MBTPS1: variants seen among roughly 807,000 people sequenced by gnomAD.
MBTPS1 encodes membrane bound transcription factor peptidase, site 1, also known as membrane-bound transcription factor site-1 protease.
Under a neutral mutation model 127.8 loss-of-function variants are expected in MBTPS1, and 94 were observed. The observed-to-expected ratio is 0.74, with a 90% confidence interval of 0.62 to 0.87. MBTPS1 has a LOEUF of 0.87. MBTPS1 is among the 40% of genes least tolerant of loss of function. The probability of loss-of-function intolerance (pLI) is 0.00; values close to 1 mark genes in which losing one functional copy is unlikely to be tolerated. For synonymous variants in MBTPS1, 632 were observed against 509.4 expected (o/e 1.24, Z -3.24); for missense variants, 1,636 against 1,353.2 (o/e 1.21, Z -3.28).
At chr16:84,114,946 T>C (rs778017170) in intron 1 of MBTPS1, among the ~76,000 whole-genome samples, 1 of 152,060 alleles carries the variant, frequency 6.6e-6, no homozygotes, top group Admixed American at 6.5e-5. Flanking sequence ...TTTTGTTTTT[T>C]GAGACATAGT....
At chr16:84,073,482 G>A (rs1343073538) in intron 12 of MBTPS1, among the ~76,000 whole-genome samples, 1 of 151,936 alleles carries the variant, frequency 6.6e-6, no homozygotes, top group Admixed American at 6.6e-5. Flanking sequence ...AAAAAGTTGT[G>A]AATTTTTGCC....
chr16:84,068,422 T>C lies in MBTPS1; in HGVS notation c.1988A>G (p.Asp663Gly), dbSNP rs1271346261. The change falls in exon 15 of 23, where the codon GAT (aspartate) becomes GGT (glycine). Residue 663 changes from aspartate to glycine, a missense_variant. Physicochemically the swap from Asp to Gly is moderately conservative, Grantham distance 94. Transcript: ENST00000343411. Reference sequence around the variant, plus strand: ...CATGCTTCTCAGATGCTGGTACATATCCCTGAAATTGGTGTGGATGTGATC... The same window carrying C: ...CATGCTTCTCAGATGCTGGTACATACCCCTGAAATTGGTGTGGATGTGATC... ...NGDHIHTNFR[D>G]MYQHLRSMGY... The C allele has an allele frequency of 1.9e-6, 3 of 1,614,052 alleles. No homozygotes were observed. The highest frequency in any genetic ancestry group is 1.7e-5 in the Admixed American group (1 of 60,028).
At chr16:84,083,784 A>G (rs531205943) in intron 10 of MBTPS1, among the ~76,000 whole-genome samples, 1 of 152,342 alleles carries the variant, frequency 6.6e-6, no homozygotes, top group South Asian at 2.1e-4. Flanking sequence ...ACAACACTCA[A>G]CTAAAACTTC....
intron 16 of MBTPS1, among the ~76,000 whole-genome samples, 182 bp from the exon 17 acceptor site, chr16:84,066,795 T>G (rs2085690730): frequency 6.6e-6 from 1 of 152,240 alleles, no homozygotes; most frequent in African/African-American, 2.4e-5. Context: ...CTTCGGCTGA[T>G]GTGTAGAATT....
intron 9 of MBTPS1, among the ~76,000 whole-genome samples, chr16:84,087,048 G>C (rs1315162111): frequency 6.6e-6 from 1 of 152,114 alleles, no homozygotes; most frequent in African/African-American, 2.4e-5. Flanking sequence ...TAAACGGGCA[G>C]GAACCCAATT....
chr16:84,111,825 G>A (rs1301371624), intron 1 of MBTPS1, among the ~76,000 whole-genome samples: 1 of 151,358 alleles, frequency 6.6e-6, no homozygotes, highest in Non-Finnish European at 1.5e-5. Context: ...AAATGCTAAT[G>A]AAATGTTAAG....
At chr16:84,111,550 A>T (rs1156300980) in intron 1 of MBTPS1, among the ~76,000 whole-genome samples, 2 of 152,116 alleles carry the variant, frequency 1.3e-5, no homozygotes, top group Non-Finnish European at 2.9e-5. Context: ...CAAAAAAAAA[A>T]AAGAAAAAAG....
intron 1 of MBTPS1, among the ~76,000 whole-genome samples, chr16:84,107,336 C>G (rs1471296640): frequency 6.6e-6 from 1 of 152,146 alleles, no homozygotes; most frequent in Non-Finnish European, 1.5e-5. Context: ...ACCAAGCCAC[C>G]AGTGGCTGGA....
intron 20 of MBTPS1, 134 bp from the exon 21 acceptor site, chr16:84,059,562 T>G: frequency 1.3e-6 from 1 of 772,190 alleles, no homozygotes; most frequent in Non-Finnish European, 2.0e-6. Context: ...TCTATTAAGC[T>G]ATCCTCCATG....
intron 13 of MBTPS1, 91 bp from the exon 14 acceptor site, chr16:84,070,129 C>T: frequency 1.2e-5 from 13 of 1,111,412 alleles, no homozygotes; most frequent in Non-Finnish European, 1.7e-5. Context: ...ATCAACTTAA[C>T]CTAAATAATT....
chr16:84,113,760 T>C (rs981605811), intron 1 of MBTPS1, among the ~76,000 whole-genome samples: 1 of 152,230 alleles, frequency 6.6e-6, no homozygotes, highest in African/African-American at 2.4e-5. Flanking sequence ...TGTAATAAAC[T>C]AGTTTACTAA....
chr16:84,102,452 T>C (rs575425454), intron 1 of MBTPS1, among the ~76,000 whole-genome samples: 2 of 152,020 alleles, frequency 1.3e-5, no homozygotes, highest in Non-Finnish European at 2.9e-5. Flanking sequence ...CACGGGAAAA[T>C]TTTTTTTAGG....
intron 21 of MBTPS1, chr16:84,058,057 C>G (rs939948200): frequency 6.6e-6 from 1 of 151,924 alleles, no homozygotes; most frequent in Non-Finnish European, 1.5e-5. Context: ...AAATAAGATG[C>G]AAAAATGGAA....
chr16:84,098,402 G>T (rs956123417), intron 3 of MBTPS1, among the ~76,000 whole-genome samples: 3 of 152,184 alleles, frequency 2.0e-5, no homozygotes, highest in Non-Finnish European at 1.5e-5. Context: ...CCTGAGGTCA[G>T]GAGTTCAAGA....
chr16:84,107,409 G>C (rs535441522), intron 1 of MBTPS1, among the ~76,000 whole-genome samples: 1 of 152,246 alleles, frequency 6.6e-6, no homozygotes, highest in South Asian at 2.1e-4. Context: ...AAATGACAGG[G>C]ACAAGGACAC....
chr16:84,071,086 T>G (rs374784534), intron 12 of MBTPS1, among the ~76,000 whole-genome samples: 2 of 152,204 alleles, frequency 1.3e-5, no homozygotes, highest in African/African-American at 4.8e-5. Flanking sequence ...TTCATCTGAC[T>G]AAGAGAACTT....
At chr16:84,099,021 G>GAT (rs748107383) in intron 3 of MBTPS1, 32 bp downstream of exon 3, 2 of 1,472,308 alleles carry the variant, frequency 1.4e-6, no homozygotes, top group Non-Finnish European at 1.8e-6. Context: ...GTAAACAGCA[G>GAT]AGAGAAATTT....
Position 84,074,578 on chromosome 16 carries a change from A to G in MBTPS1, c.1593+19T>C. On this transcript the variant is annotated intron_variant, in intron 12 of 22. Coordinates refer to ENST00000343411, the MANE Select transcript of MBTPS1 (RefSeq NM_003791.4). ...AAGTTCACCATCAAGTCAGAGACCA[A>G]GTCAGAGAGAAGTTTCACCTTATCT... 2.5e-6 allele frequency: 4 copies of G among 1,611,180 alleles called. No homozygotes were observed. The highest frequency in any genetic ancestry group is 3.4e-6 in the Non-Finnish European group (4 of 1,178,200).
intron 1 of MBTPS1, among the ~76,000 whole-genome samples, chr16:84,113,484 G>A (rs973667426): frequency 1.1e-4 from 16 of 152,166 alleles, no homozygotes; most frequent in African/African-American, 3.6e-4. Context: ...GTATTTAATG[G>A]GATTTGAGTA....
Sources: gnomAD v4.1 joint callset for allele counts (sites outside exome capture counted in the v4.1 genomes callset) on GRCh38, gnomAD v4.1.1 for gene constraint, MANE v1.5 for transcripts, NCBI Gene and HGNC (gene_info 2026-07-23, HGNC 2026-07-21) for gene names.